ITGA9: variants seen among roughly 807,000 people sequenced by gnomAD.
The protein encoded by ITGA9 is integrin subunit alpha 9, also known as integrin alpha-9.
A neutral mutation model predicts 127.8 loss-of-function variants in ITGA9; 56 were observed. That is an observed-to-expected ratio of 0.44 (90% CI 0.35 to 0.55). ITGA9 has a LOEUF of 0.55. ITGA9 is among the 20% of genes least tolerant of loss of function. The pLI is 0.00. For synonymous variants in ITGA9, 508 were observed against 514.5 expected (o/e 0.99, Z 0.17); for missense variants, 1,196 against 1,347.1 (o/e 0.89, Z 1.76).
At chr3:37,544,065 C>A (rs1036779018) in intron 15 of ITGA9, among the ~76,000 whole-genome samples, 4 of 152,238 alleles carry the variant, frequency 2.6e-5, no homozygotes, top group African/African-American at 9.6e-5. Context: ...TGTTTTTATA[C>A]CTGCTGGGGA....
At chr3:37,786,644 C>G (rs1190020204) in intron 26 of ITGA9, among the ~76,000 whole-genome samples, 1 of 152,056 alleles carries the variant, frequency 6.6e-6, no homozygotes, top group Admixed American at 6.5e-5. Context: ...AGTAATAATG[C>G]TTAGGACCTC....
At chr3:37,506,374 A>G (rs1228490864) in intron 7 of ITGA9, among the ~76,000 whole-genome samples, 2 of 152,164 alleles carry the variant, frequency 1.3e-5, no homozygotes, top group Non-Finnish European at 2.9e-5. Context: ...CCCTGGCCTT[A>G]TGGTGTCCTT....
At chr3:37,741,564 A>G (rs1696435303) in intron 20 of ITGA9, among the ~76,000 whole-genome samples, 166 bp from the exon 21 acceptor site, 1 of 152,242 alleles carries the variant, frequency 6.6e-6, no homozygotes, top group African/African-American at 2.4e-5. Flanking sequence ...AAGACAATAG[A>G]GTGCCCTTGA....
intron 9 of ITGA9, among the ~76,000 whole-genome samples, chr3:37,517,234 G>A (rs1335595237): frequency 6.6e-6 from 1 of 152,178 alleles, no homozygotes; most frequent in Non-Finnish European, 1.5e-5. Flanking sequence ...GGACAAGGCA[G>A]AGAGTGTAGT....
chr3:37,527,649 G>A (rs1699106724), intron 13 of ITGA9, among the ~76,000 whole-genome samples: 1 of 152,098 alleles, frequency 6.6e-6, no homozygotes, highest in African/African-American at 2.4e-5. Flanking sequence ...TTGTGAATCT[G>A]GTTGCTCTAG....
chr3:37,814,395 A>G lies in ITGA9; in HGVS notation c.3010-4496A>G, dbSNP rs1386982980. Among the ~76,000 whole-genome samples, 1 of 152,156 alleles carries G rather than the reference A, an allele frequency of 6.6e-6. No individual in the cohort carries two copies. Among genetic ancestry groups the G allele is most frequent in the Admixed American group, 6.5e-5 (1 of 15,282 alleles). ...AGCCTGGCCAACATGGTGAAACCCC[A>G]TCTCTACCAAAATATAAAAATTAGC... On this transcript the variant is annotated intron_variant, in intron 27 of 27. Transcript: ENST00000264741. The surrounding 1 kb of genome is among the most constrained non-coding windows in gnomAD (Gnocchi z 4.3).
chr3:37,638,451 GAAAAA>G (rs35047739), intron 16 of ITGA9, among the ~76,000 whole-genome samples: 3,619 of 127,606 alleles, frequency 0.028, 147 homozygotes, highest in African/African-American at 0.095. Context: ...TGATTATGGG[GAAAAA>G]AAAAAAAAAA....
intron 18 of ITGA9, among the ~76,000 whole-genome samples, chr3:37,703,909 G>T (rs542147234): frequency 2.0e-5 from 3 of 152,268 alleles, no homozygotes; most frequent in East Asian, 1.9e-4. Context: ...TTAGTGAGTG[G>T]TGGGGCTGGG....
chr3:37,700,751 G>A (rs1447982301), intron 18 of ITGA9, among the ~76,000 whole-genome samples: 1 of 152,188 alleles, frequency 6.6e-6, no homozygotes, highest in African/African-American at 2.4e-5. Flanking sequence ...TGGATGGTGG[G>A]CAAATAAATG....
At chr3:37,751,460 T>G (rs951493461) in intron 23 of ITGA9, among the ~76,000 whole-genome samples, 2 of 152,206 alleles carry the variant, frequency 1.3e-5, no homozygotes, top group Admixed American at 6.5e-5. Flanking sequence ...TAGAGCATGC[T>G]TTCTGAGTTG....
intron 5 of ITGA9, among the ~76,000 whole-genome samples, chr3:37,499,242 C>T (rs565607628): frequency 1.3e-5 from 2 of 152,242 alleles, no homozygotes; most frequent in African/African-American, 4.8e-5. Context: ...CTGGCGTTCA[C>T]GCCTGCTGTA....
intron 15 of ITGA9, among the ~76,000 whole-genome samples, chr3:37,606,482 G>A (rs1343553785): frequency 6.6e-6 from 1 of 152,162 alleles, no homozygotes; most frequent in African/African-American, 2.4e-5. Context: ...GTATTGGACA[G>A]CACAGCTGTA....
At chr3:37,711,200 G>A (rs948583078) in intron 18 of ITGA9, among the ~76,000 whole-genome samples, 1 of 152,154 alleles carries the variant, frequency 6.6e-6, no homozygotes, top group African/African-American at 2.4e-5. Context: ...ATTAACACAA[G>A]CAGGGCAGGA....
At chr3:37,640,117 G>A (rs1008817691) in intron 16 of ITGA9, among the ~76,000 whole-genome samples, 1 of 152,214 alleles carries the variant, frequency 6.6e-6, no homozygotes, top group African/African-American at 2.4e-5. Flanking sequence ...AGATGTCCAT[G>A]CCCTAATTTC....
intron 4 of ITGA9, among the ~76,000 whole-genome samples, chr3:37,488,582 A>G (rs1221615806): frequency 6.6e-6 from 1 of 152,074 alleles, no homozygotes; most frequent in East Asian, 1.9e-4. Flanking sequence ...AGATCACCTG[A>G]AGTCAGGAGT....
chr3:37,535,581 C>T (rs1699200147), intron 14 of ITGA9, among the ~76,000 whole-genome samples: 1 of 152,190 alleles, frequency 6.6e-6, no homozygotes, highest in South Asian at 2.1e-4. Context: ...GCATCTTGTA[C>T]TGTACCTTGT....
intron 8 of ITGA9, among the ~76,000 whole-genome samples, 190 bp from the exon 9 acceptor site, chr3:37,513,573 T>C (rs561709432): frequency 2.0e-5 from 3 of 151,976 alleles, no homozygotes; most frequent in African/African-American, 7.2e-5. Context: ...TCTCCTAATG[T>C]TATCCCTCCC....
chr3:37,765,655 T>C (rs1032545422), intron 23 of ITGA9, among the ~76,000 whole-genome samples: 2 of 152,302 alleles, frequency 1.3e-5, no homozygotes, highest in African/African-American at 2.4e-5. Flanking sequence ...TAATTTGAGC[T>C]TGGCTAGAGG....
At chr3:37,467,275 C>G (rs1698383010) in intron 1 of ITGA9, among the ~76,000 whole-genome samples, 1 of 152,178 alleles carries the variant, frequency 6.6e-6, no homozygotes, top group South Asian at 2.1e-4. Context: ...TTCATCTGAC[C>G]AGCTGATCAG....
Sources: gnomAD v4.1 joint callset for allele counts (sites outside exome capture counted in the v4.1 genomes callset) on GRCh38, gnomAD v4.1.1 for gene constraint, Gnocchi (gnomAD v3.1) non-coding constraint, MANE v1.5 for transcripts, NCBI Gene and HGNC (gene_info 2026-07-23, HGNC 2026-07-21) for gene names.